CHSY3: variants seen among roughly 807,000 people sequenced by gnomAD.
CHSY3 encodes N-acetylgalactosaminyl-proteoglycan 3-beta-glucuronosyltransferase 3.
In CHSY3, 35 loss-of-function variants were observed where a neutral mutation model predicts 67.2. That is an observed-to-expected ratio of 0.52 (90% CI 0.40 to 0.69). CHSY3 has a LOEUF of 0.69. Among genes scored for constraint, CHSY3 ranks in the 30% least tolerant of loss-of-function variants. CHSY3 has a pLI of 0.00. For missense variants in CHSY3, 1,069 were observed against 1,138.5 expected (o/e 0.94, Z 0.88); for synonymous variants, 474 against 434.7 (o/e 1.09, Z -1.12).
chr5:130,034,976 GAGA>G (rs1390891537), intron 2 of CHSY3, among the ~76,000 whole-genome samples: 3 of 152,134 alleles, frequency 2.0e-5, no homozygotes, highest in Non-Finnish European at 4.4e-5. Context: ...GAAGGGAACA[GAGA>G]AGAAGATAAG....
intron 2 of CHSY3, among the ~76,000 whole-genome samples, chr5:130,078,963 T>A (rs1294559196): frequency 6.6e-6 from 1 of 152,156 alleles, no homozygotes; most frequent in East Asian, 1.9e-4. Flanking sequence ...TATGCTATAG[T>A]CGTCAAAGCA....
intron 2 of CHSY3, among the ~76,000 whole-genome samples, chr5:130,035,899 T>G (rs1004503673): frequency 3.4e-5 from 5 of 148,340 alleles, no homozygotes; most frequent in African/African-American, 1.0e-4. Context: ...TTTTTTTTTT[T>G]TTTTTTTTTT....
chr5:130,161,708 C>T (rs767781861), intron 2 of CHSY3, among the ~76,000 whole-genome samples: 12 of 152,088 alleles, frequency 7.9e-5, no homozygotes, highest in Non-Finnish European at 5.9e-5. Context: ...CTTATCACTA[C>T]TTTAATGTTT....
intron 2 of CHSY3, among the ~76,000 whole-genome samples, chr5:130,152,957 C>T (rs901534175): frequency 5.3e-5 from 8 of 152,028 alleles, no homozygotes; most frequent in South Asian, 2.1e-4. Context: ...CTAAGTGCAG[C>T]GGCTCACACC....
rs761490075 is a variant in CHSY3, at chr5:130,184,599, G to C, written c.1457G>C (p.Ser486Thr). The C allele has an allele frequency of 1.6e-5, 25 of 1,612,074 alleles. No individual in the cohort carries two copies. The highest frequency in any genetic ancestry group is 2.1e-5 in the Non-Finnish European group (25 of 1,178,094). ...GCTGAGAACCAGCCCCCTCGACAGA[G>C]CCTCAGTAGCATTTTAAGAACAGCA... ...SAAENQPPRQ[S>T]LSSILRTALD... The change falls in exon 3 of 3, where the codon AGC (serine) becomes ACC (threonine). Residue 486 changes from serine to threonine, a missense_variant. Around this residue, in one of 5 missense-constraint regions of CHSY3, gnomAD observed 401 missense variants for 395.2 expected, o/e 1.01. Coordinates refer to ENST00000305031, the MANE Select transcript of CHSY3 (RefSeq NM_175856.5).
At chr5:130,077,007 T>G (rs1370451257) in intron 2 of CHSY3, among the ~76,000 whole-genome samples, 1 of 150,368 alleles carries the variant, frequency 6.7e-6, no homozygotes, top group Non-Finnish European at 1.5e-5. Flanking sequence ...AAATGACGAG[T>G]TAATGGGTGC....
chr5:130,069,224 G>T (rs1765982055), intron 2 of CHSY3, among the ~76,000 whole-genome samples: 1 of 151,956 alleles, frequency 6.6e-6, no homozygotes, highest in African/African-American at 2.4e-5. Flanking sequence ...TCTTGGACAT[G>T]GGATGTAAAT....
intron 2 of CHSY3, among the ~76,000 whole-genome samples, chr5:129,908,562 C>A (rs60191087): frequency 0.017 from 2,518 of 152,080 alleles, 65 homozygotes; most frequent in African/African-American, 0.057. Flanking sequence ...TTAGCATGCC[C>A]CTTAACTTTA....
At chr5:129,915,401 A>G (rs1468959084) in intron 2 of CHSY3, among the ~76,000 whole-genome samples, 1 of 152,176 alleles carries the variant, frequency 6.6e-6, no homozygotes, top group Non-Finnish European at 1.5e-5. Flanking sequence ...TTGAGTCGTG[A>G]TCTGTGTTTA....
intron 2 of CHSY3, among the ~76,000 whole-genome samples, chr5:129,923,912 G>A (rs1761007297): frequency 6.6e-6 from 1 of 152,168 alleles, no homozygotes; most frequent in South Asian, 2.1e-4. Flanking sequence ...AATCCATTGT[G>A]AGTATTATCA....
chr5:130,154,872 C>T (rs1217367346), intron 2 of CHSY3, among the ~76,000 whole-genome samples: 1 of 152,114 alleles, frequency 6.6e-6, no homozygotes, highest in African/African-American at 2.4e-5. Context: ...CTGGCAAACC[C>T]TGTACCACTA....
intron 2 of CHSY3, among the ~76,000 whole-genome samples, chr5:129,976,913 CATATATAT>C (rs5871372): frequency 6.8e-6 from 1 of 146,494 alleles, no homozygotes; most frequent in South Asian, 2.2e-4. Context: ...ATAGAGAAGA[CATATATAT>C]ATATATATAT....
chr5:130,052,759 A>G (rs4836489), intron 2 of CHSY3, among the ~76,000 whole-genome samples: 3,042 of 152,266 alleles, frequency 0.02, 50 homozygotes, highest in Admixed American at 0.037. Flanking sequence ...ATAATCAGAT[A>G]ATATCCACAG....
intron 2 of CHSY3, among the ~76,000 whole-genome samples, chr5:130,162,579 G>A (rs1191659265): frequency 6.6e-6 from 1 of 152,034 alleles, no homozygotes; most frequent in Admixed American, 6.5e-5. Context: ...CTGTCACCCA[G>A]GATGGAGTAC....
chr5:130,062,947 G>A (rs1416742836), intron 2 of CHSY3, among the ~76,000 whole-genome samples: 1 of 152,064 alleles, frequency 6.6e-6, no homozygotes, highest in Admixed American at 6.6e-5. Context: ...CATTTAAAAG[G>A]AAATTTGCAT....
Position 130,160,907 on chromosome 5 carries a change from TTA to T in CHSY3, c.1087-23320_1087-23319del, listed in dbSNP as rs1335628253. On this transcript the variant is annotated intron_variant, in intron 2 of 2. Coordinates refer to ENST00000305031, the MANE Select transcript of CHSY3 (RefSeq NM_175856.5). The stretch of plus-strand genomic sequence containing the variant: ...TATTTATTTATTTATTTTTTTTTTT[TTA>T]TTTTTTTTTTTTTGAGACGGAGTCT... Among the ~76,000 whole-genome samples, 1,119 of 132,872 alleles carry T rather than the reference TTA, an allele frequency of 8.4e-3. 15 individuals carry two copies. The highest frequency in any genetic ancestry group is 0.036 in the African/African-American group (1,023 of 28,406). The allele number at this position is 132,872 out of a possible 152,430, so 87.2% of individuals were successfully genotyped here.
At chr5:129,907,952 C>G in intron 1 of CHSY3, 125 bp from the exon 2 acceptor site, 1 of 1,436,204 alleles carries the variant, frequency 7.0e-7, no homozygotes, top group Non-Finnish European at 9.1e-7. Flanking sequence ...GAGGCTTTTT[C>G]TTCTTTTCAG....
intron 2 of CHSY3, among the ~76,000 whole-genome samples, chr5:129,990,650 A>G (rs1028233805): frequency 1.3e-5 from 2 of 152,152 alleles, no homozygotes; most frequent in South Asian, 4.1e-4. Context: ...GATGACTTCA[A>G]TCAAATTCTA....
At chr5:130,014,385 G>T (rs373055133) in intron 2 of CHSY3, among the ~76,000 whole-genome samples, 2 of 152,200 alleles carry the variant, frequency 1.3e-5, no homozygotes, top group African/African-American at 4.8e-5. Flanking sequence ...ATAAAGAAAA[G>T]AGGTTTAATT....
Sources: allele counts gnomAD v4.1 joint callset (sites outside exome capture counted in the v4.1 genomes callset), GRCh38; gene constraint gnomAD v4.1.1; regional missense constraint gnomAD v4.1.1; transcripts MANE v1.5; gene names NCBI Gene and HGNC (gene_info 2026-07-23, HGNC 2026-07-21).